The following WDR72 variants were observed in gnomAD, a reference collection of about 807,000 sequenced individuals.
WDR72 encodes the protein WD repeat domain 72.
Under a neutral mutation model 124.2 loss-of-function variants are expected in WDR72, and 120 were observed. The observed-to-expected ratio is 0.97, with a 90% CI of 0.83 to 1.12. WDR72 has a LOEUF of 1.12. Ranked by LOEUF, WDR72 falls within the 50% of genes most tolerant of loss-of-function variation. WDR72 has a pLI of 0.00. For synonymous variants in WDR72, 452 were observed against 441.7 expected (o/e 1.02, Z -0.29); for missense variants, 1,387 against 1,278.8 (o/e 1.08, Z -1.29).
chr15:53,598,795 G>T (rs902652743), intron 17 of WDR72, among the ~76,000 whole-genome samples: 1 of 152,124 alleles, frequency 6.6e-6, no homozygotes, highest in Non-Finnish European at 1.5e-5. Context: ...CAAGTGAATG[G>T]TGCTTACTCA....
intron 13 of WDR72, among the ~76,000 whole-genome samples, chr15:53,677,211 T>C (rs906681208): frequency 4.6e-5 from 7 of 152,280 alleles, no homozygotes; most frequent in African/African-American, 1.7e-4. Context: ...TGAGCCACCG[T>C]GCCCAGCCAA....
intron 18 of WDR72, among the ~76,000 whole-genome samples, chr15:53,584,639 C>A (rs946232407): frequency 1.3e-5 from 2 of 151,988 alleles, no homozygotes; most frequent in Non-Finnish European, 2.9e-5. Flanking sequence ...CTGAAAGTGT[C>A]TTGCATCTCT....
At chr15:53,612,179 C>A (rs528296921) in intron 16 of WDR72, among the ~76,000 whole-genome samples, 14 of 152,120 alleles carry the variant, frequency 9.2e-5, no homozygotes, top group Non-Finnish European at 1.8e-4. Flanking sequence ...TTCATTTGTC[C>A]ATTAATTGAA....
intron 1 of WDR72, among the ~76,000 whole-genome samples, chr15:53,755,422 C>T (rs1346623187): frequency 6.6e-6 from 1 of 152,148 alleles, no homozygotes; most frequent in Admixed American, 6.5e-5. Flanking sequence ...ATAATAATTA[C>T]AGCTAAATAC....
intron 18 of WDR72, among the ~76,000 whole-genome samples, chr15:53,596,166 A>G (rs1306310379): frequency 6.6e-6 from 1 of 152,292 alleles, no homozygotes; most frequent in East Asian, 1.9e-4. Flanking sequence ...AGATAAAAGA[A>G]GTACTTAACA....
chr15:53,672,660 C>T (rs1343390991), intron 13 of WDR72, among the ~76,000 whole-genome samples: 1 of 152,136 alleles, frequency 6.6e-6, no homozygotes, highest in East Asian at 1.9e-4. Context: ...AAAGAGCACA[C>T]TTCTATACAT....
chr15:53,676,246 C>A (rs2016167728), intron 13 of WDR72, among the ~76,000 whole-genome samples: 4 of 152,198 alleles, frequency 2.6e-5, no homozygotes, highest in Admixed American at 1.3e-4. Flanking sequence ...CAATGACAGT[C>A]ATCCTTATGT....
chr15:53,724,782 ACT>A (rs2017974477), intron 2 of WDR72, among the ~76,000 whole-genome samples: 1 of 152,052 alleles, frequency 6.6e-6, no homozygotes, highest in Non-Finnish European at 1.5e-5. Context: ...TCAAATCATC[ACT>A]CTGTACATCT....
intron 18 of WDR72, among the ~76,000 whole-genome samples, chr15:53,576,120 T>C (rs1178093849): frequency 2.0e-5 from 3 of 151,834 alleles, no homozygotes; most frequent in African/African-American, 4.8e-5. Flanking sequence ...ACTTACACGA[T>C]TGTATTCTAA....
intron 14 of WDR72, among the ~76,000 whole-genome samples, chr15:53,620,843 G>A (rs920331208): frequency 1.3e-5 from 2 of 151,992 alleles, no homozygotes; most frequent in Non-Finnish European, 2.9e-5. Context: ...AAAAGGAACA[G>A]TCAGCAGAGT....
At chr15:53,702,902 ATTTT>A (rs34689229) in intron 11 of WDR72, among the ~76,000 whole-genome samples, 3,901 of 143,750 alleles carry the variant, frequency 0.027, 85 homozygotes, top group African/African-American at 0.055. Flanking sequence ...ATTTTCATTC[ATTTT>A]TTTTTTTTTT....
rs987690495 is a variant in WDR72 at position 53,722,831 on chromosome 15, C to G, written c.231G>C (p.Gln77His). 2 of 1,612,964 alleles carry G rather than the reference C, an allele frequency of 1.2e-6. No individual in the cohort carries two copies. The highest frequency in any genetic ancestry group is 3.3e-5 in the Admixed American group (2 of 59,982). ...CLARARDFSK[Q>H]PYIVSAAENG... Reference sequence around the variant, plus strand: ...TTTCAGCAGCACTAACAATGTAGGGCTGTTTAGAGAAGTCCCTTGCTCTTG... The same window carrying G: ...TTTCAGCAGCACTAACAATGTAGGGGTGTTTAGAGAAGTCCCTTGCTCTTG... Residue 77 changes from glutamine to histidine, a missense_variant, in exon 3 of 20, where the codon CAG becomes CAC. By Grantham distance (24) the Gln-to-His change is conservative. Transcript: ENST00000360509.
At chr15:53,720,376 T>C (rs1426229136) in intron 3 of WDR72, among the ~76,000 whole-genome samples, 1 of 152,208 alleles carries the variant, frequency 6.6e-6, no homozygotes, top group Non-Finnish European at 1.5e-5. Context: ...TAAATATCAT[T>C]ATGTCTTATA....
At chr15:53,717,605 C>G (rs962719220) in intron 3 of WDR72, among the ~76,000 whole-genome samples, 2 of 152,038 alleles carry the variant, frequency 1.3e-5, no homozygotes, top group African/African-American at 2.4e-5. Flanking sequence ...CCCTACATTC[C>G]AAGGACACTT....
At chr15:53,708,649 A>G (rs1034936954) in intron 9 of WDR72, among the ~76,000 whole-genome samples, 2 of 152,182 alleles carry the variant, frequency 1.3e-5, no homozygotes, top group African/African-American at 4.8e-5. Context: ...TGTATGTTTG[A>G]CAATAATAAG....
At chr15:53,697,871 C>T (rs571028384) in intron 13 of WDR72, among the ~76,000 whole-genome samples, 93 of 152,172 alleles carry the variant, frequency 6.1e-4, no homozygotes, top group African/African-American at 2.1e-3. Flanking sequence ...TGTAGTGGCG[C>T]GATCTCCGCT....
At chr15:53,539,122 G>C (rs1892930567) in intron 18 of WDR72, among the ~76,000 whole-genome samples, 1 of 152,016 alleles carries the variant, frequency 6.6e-6, no homozygotes, top group Non-Finnish European at 1.5e-5. Context: ...AGAAAAAATT[G>C]AACTAAGATT....
chr15:53,746,428 G>C (rs1279283205), intron 1 of WDR72, among the ~76,000 whole-genome samples: 1 of 152,140 alleles, frequency 6.6e-6, no homozygotes, highest in African/African-American at 2.4e-5. Context: ...AAACACAAAG[G>C]ATAAAGTTCC....
At chr15:53,684,449 G>C (rs975233956) in intron 13 of WDR72, 2 of 155,898 alleles carry the variant, frequency 1.3e-5, no homozygotes, top group African/African-American at 4.8e-5. Context: ...AGGGGTGACA[G>C]ACGGCACCTG....
Sources: allele counts gnomAD v4.1 joint callset (sites outside exome capture counted in the v4.1 genomes callset), GRCh38; gene constraint gnomAD v4.1.1; transcripts MANE v1.5; gene names NCBI Gene and HGNC (gene_info 2026-07-23, HGNC 2026-07-21).